ASTN2: variants seen among roughly 807,000 people sequenced by gnomAD.
ASTN2 encodes astrotactin-2.
In ASTN2, 54 loss-of-function variants were observed where a neutral mutation model predicts 139.8. That is an observed-to-expected ratio of 0.39 (90% confidence interval 0.31 to 0.48). The LOEUF (loss-of-function observed/expected upper bound fraction) is 0.48. ASTN2 is among the 20% of genes least tolerant of loss of function. The probability of loss-of-function intolerance (pLI) is 0.95; values close to 1 mark genes in which losing one functional copy is unlikely to be tolerated. For synonymous variants in ASTN2, 756 were observed against 719.5 expected, an observed-to-expected ratio of 1.05 and a Z score of -0.81; for missense variants, 1,565 against 1,725.1, an observed-to-expected ratio of 0.91 and a Z score of 1.64.
chr9:117,353,075 G>C (rs1161448416), intron 1 of ASTN2, among the ~76,000 whole-genome samples: 2 of 152,176 alleles, frequency 1.3e-5, no homozygotes, highest in African/African-American at 2.4e-5. Flanking sequence ...ATGAAAAAGT[G>C]TTGGAAATAC....
intron 5 of ASTN2, among the ~76,000 whole-genome samples, chr9:117,078,300 A>T (rs191331823): frequency 2.6e-5 from 4 of 152,226 alleles, no homozygotes; most frequent in Admixed American, 2.0e-4. Context: ...AGTGCCCATT[A>T]TGTTTTCTCC....
chr9:116,796,402 C>G (rs544507627), intron 13 of ASTN2, among the ~76,000 whole-genome samples: 1 of 152,116 alleles, frequency 6.6e-6, no homozygotes, highest in Non-Finnish European at 1.5e-5. Context: ...TGCAGCCCCA[C>G]GTGATTCTTA....
rs1425985412 is a variant in ASTN2, at chr9:116,976,693, C to T, written c.1676+8G>A. ...ACTGTCCTGGACCTGATGCCCTTTG[C>T]CACTCACCCTTCACTCTGTCCCCAG... On this transcript the variant is annotated splice_region_variant and intron_variant, in intron 8 of 22. Coordinates refer to ENST00000313400, the MANE Select transcript of ASTN2 (RefSeq NM_001365068.1). 6 of 1,613,628 alleles carry T rather than the reference C, an allele frequency of 3.7e-6. No homozygotes were observed. The highest frequency in any genetic ancestry group is 2.7e-5 in the African/African-American group (2 of 74,888).
At chr9:116,775,839 GGCA>G (rs1830076268) in intron 13 of ASTN2, among the ~76,000 whole-genome samples, 1 of 151,420 alleles carries the variant, frequency 6.6e-6, no homozygotes, top group Non-Finnish European at 1.5e-5. Context: ...AAGGAAGGCA[GGCA>G]GGCAGGCAGG....
chr9:117,207,974 A>T (rs1831992801), intron 3 of ASTN2, among the ~76,000 whole-genome samples: 2 of 152,330 alleles, frequency 1.3e-5, no homozygotes, highest in Middle Eastern at 3.4e-3. Context: ...ACAACACACC[A>T]AACTAACACC....
At chr9:116,909,995 A>T (rs1834267238) in intron 10 of ASTN2, among the ~76,000 whole-genome samples, 1 of 152,146 alleles carries the variant, frequency 6.6e-6, no homozygotes, top group African/African-American at 2.4e-5. Flanking sequence ...GGAATTGAAG[A>T]TGGTGCAAAC....
At chr9:116,617,164 T>C (rs1855899974) in intron 19 of ASTN2, among the ~76,000 whole-genome samples, 1 of 152,208 alleles carries the variant, frequency 6.6e-6, no homozygotes, top group African/African-American at 2.4e-5. Flanking sequence ...TCTGGGCTTT[T>C]CTTTTTCTGA....
At chr9:117,188,166 TAGAGAG>T (rs150848006) in intron 3 of ASTN2, among the ~76,000 whole-genome samples, 40 of 125,726 alleles carry the variant, frequency 3.2e-4, no homozygotes, top group African/African-American at 1.1e-3. Context: ...GTCTGTGTGA[TAGAGAG>T]AGAGAGAGAG....
chr9:117,354,393 G>A (rs562355569), intron 1 of ASTN2, among the ~76,000 whole-genome samples: 2 of 152,092 alleles, frequency 1.3e-5, no homozygotes, highest in South Asian at 4.2e-4. Context: ...CTCACTGCAG[G>A]GGCTTTGCAT....
chr9:116,707,007 C>T lies in ASTN2; in HGVS notation c.2806+18764G>A, dbSNP rs147773046. Reference sequence around the variant, plus strand: ...TGTCTCTGAATTGTGTTTCTGGATCCCAGTGTCAGCTGTGACTGTCACGAG... The same window carrying T: ...TGTCTCTGAATTGTGTTTCTGGATCTCAGTGTCAGCTGTGACTGTCACGAG... On this transcript the variant is annotated intron_variant, in intron 16 of 22. Coordinates refer to ENST00000313400, the MANE Select transcript of ASTN2 (RefSeq NM_001365068.1). 5.3e-3 allele frequency among the ~76,000 whole-genome samples: 799 copies of T among 151,788 alleles called. 1 individual carries two copies. Among genetic ancestry groups the T allele is most frequent in the Non-Finnish European group, 8.7e-3 (592 of 67,942 alleles).
chr9:117,105,057 A>G (rs1400783840), intron 4 of ASTN2, among the ~76,000 whole-genome samples: 3 of 151,890 alleles, frequency 2.0e-5, no homozygotes, highest in African/African-American at 7.3e-5. Flanking sequence ...GGGATGGTAT[A>G]TTTTCCAAAT....
intron 20 of ASTN2, among the ~76,000 whole-genome samples, chr9:116,467,252 T>TAGAG (rs3984941): frequency 0.59 from 88,674 of 150,716 alleles, 26,547 homozygotes; most frequent in East Asian, 0.84. Context: ...AGGAAAGAGA[T>TAGAG]AGAGAGAGAG....
intron 10 of ASTN2, among the ~76,000 whole-genome samples, chr9:116,970,153 C>T (rs1305824022): frequency 6.6e-6 from 1 of 152,146 alleles, no homozygotes; most frequent in East Asian, 1.9e-4. Context: ...TGTTTCAGAC[C>T]TGTCCAGATA....
intron 1 of ASTN2, among the ~76,000 whole-genome samples, chr9:117,353,981 A>G (rs1587975073): frequency 6.6e-6 from 1 of 152,168 alleles, no homozygotes; most frequent in Non-Finnish European, 1.5e-5. Context: ...GTGAATACAC[A>G]TTTTTATACA....
At chr9:116,845,435 C>T (rs1054231365) in intron 11 of ASTN2, among the ~76,000 whole-genome samples, 15 of 152,206 alleles carry the variant, frequency 9.9e-5, no homozygotes, top group Admixed American at 2.6e-4. Flanking sequence ...TGAGAGTTCC[C>T]GACTTCAGGA....
At chr9:116,986,287 T>C (rs1159520542) in intron 7 of ASTN2, among the ~76,000 whole-genome samples, 2 of 151,598 alleles carry the variant, frequency 1.3e-5, no homozygotes, top group Non-Finnish European at 2.9e-5. Context: ...ACCGGATTCA[T>C]CTCTGGTCCA....
intron 17 of ASTN2, among the ~76,000 whole-genome samples, chr9:116,648,616 A>G (rs1370513215): frequency 6.6e-6 from 1 of 152,176 alleles, no homozygotes; most frequent in African/African-American, 2.4e-5. Context: ...TGCAGTGTTC[A>G]GTTTAGGACT....
At chr9:116,481,184 A>C (rs962034526) in intron 20 of ASTN2, among the ~76,000 whole-genome samples, 2 of 152,138 alleles carry the variant, frequency 1.3e-5, no homozygotes, top group African/African-American at 4.8e-5. Flanking sequence ...GCTCGAGACC[A>C]GCCTGGGCAA....
At chr9:117,150,569 G>A (rs912203095) in intron 3 of ASTN2, among the ~76,000 whole-genome samples, 3 of 152,152 alleles carry the variant, frequency 2.0e-5, no homozygotes, top group South Asian at 2.1e-4. Flanking sequence ...TGAGACTTGG[G>A]CAAATAACTT....
Sources: gnomAD v4.1 joint callset for allele counts (sites outside exome capture counted in the v4.1 genomes callset) on GRCh38, gnomAD v4.1.1 for gene constraint, MANE v1.5 for transcripts, NCBI Gene and HGNC (gene_info 2026-07-23, HGNC 2026-07-21) for gene names.